The following CTNND2 variants were observed in gnomAD, a reference collection of about 807,000 sequenced individuals.
The protein encoded by CTNND2 is catenin delta 2, also known as catenin delta-2.
Under a neutral mutation model 144.4 loss-of-function variants are expected in CTNND2, and 22 were observed. The ratio of observed to expected loss-of-function variants is 0.15; its 90% CI spans 0.11 to 0.22. The LOEUF (loss-of-function observed/expected upper bound fraction) is 0.22. Ranked by LOEUF, CTNND2 falls within the 10% of genes least tolerant of loss-of-function variation. The pLI, the probability that CTNND2 is intolerant of heterozygous loss-of-function variation, is 1.00. For missense variants in CTNND2, 1,353 were observed against 1,618.8 expected, an observed-to-expected ratio of 0.84 and a Z score of 2.82; for synonymous variants, 751 against 695.6, an observed-to-expected ratio of 1.08 and a Z score of -1.25.
intron 3 of CTNND2, among the ~76,000 whole-genome samples, chr5:11,541,850 C>CG (rs375573525): frequency 1.5e-5 from 2 of 130,274 alleles, no homozygotes; most frequent in African/African-American, 5.7e-5. Flanking sequence ...CCCCCCCCCC[C>CG]GGCCAAAAGC....
intron 3 of CTNND2, among the ~76,000 whole-genome samples, chr5:11,419,818 A>G (rs1029666166): frequency 3.3e-5 from 5 of 152,226 alleles, no homozygotes; most frequent in Admixed American, 1.3e-4. Context: ...TCTGTTATGA[A>G]CCTGCTCAAA....
intron 3 of CTNND2, among the ~76,000 whole-genome samples, chr5:11,552,275 G>C (rs2727586): frequency 0.23 from 34,516 of 152,116 alleles, 4,860 homozygotes; most frequent in African/African-American, 0.4. Flanking sequence ...CTTAGCTTTA[G>C]CTCAAGTTTT....
chr5:11,125,117 C>T (rs1472175502), intron 12 of CTNND2, among the ~76,000 whole-genome samples: 1 of 152,198 alleles, frequency 6.6e-6, no homozygotes, highest in African/African-American at 2.4e-5. Flanking sequence ...AGATTGTCCT[C>T]TTTGTTGAGT....
intron 11 of CTNND2, among the ~76,000 whole-genome samples, chr5:11,162,589 A>G (rs1387446893): frequency 3.3e-5 from 5 of 152,124 alleles, no homozygotes; most frequent in Admixed American, 2.6e-4. Context: ...TTATAACTGC[A>G]ATGCACAATG....
chr5:11,086,562 A>C (rs889459071), intron 15 of CTNND2, among the ~76,000 whole-genome samples: 2 of 152,174 alleles, frequency 1.3e-5, no homozygotes, highest in African/African-American at 4.8e-5. Flanking sequence ...ATTTGTTGGC[A>C]TCAGGCAAAT....
intron 9 of CTNND2, among the ~76,000 whole-genome samples, chr5:11,238,930 CTTTT>C (rs979001114): frequency 1.6e-4 from 24 of 152,130 alleles, no homozygotes; most frequent in African/African-American, 5.6e-4. Context: ...AATTTAATTT[CTTTT>C]GTTTTATAAT....
chr5:10,974,011 TCA>T (rs1358987650), intron 21 of CTNND2, among the ~76,000 whole-genome samples: 1 of 152,234 alleles, frequency 6.6e-6, no homozygotes, highest in Non-Finnish European at 1.5e-5. Flanking sequence ...TTAAGAACAT[TCA>T]CAGTGTTGTG....
At chr5:11,006,385 T>A (rs1018863771) in intron 18 of CTNND2, among the ~76,000 whole-genome samples, 2 of 152,136 alleles carry the variant, frequency 1.3e-5, no homozygotes, top group African/African-American at 4.8e-5. Flanking sequence ...GCAGTGGGCA[T>A]GTGTGTTGCC....
intron 3 of CTNND2, among the ~76,000 whole-genome samples, chr5:11,429,716 T>G (rs1763104878): frequency 6.6e-6 from 1 of 152,088 alleles, no homozygotes; most frequent in African/African-American, 2.4e-5. Context: ...CACAGAAGAT[T>G]AGACTTTGGC....
intron 12 of CTNND2, among the ~76,000 whole-genome samples, chr5:11,122,423 C>T (rs1467157904): frequency 6.6e-6 from 1 of 152,040 alleles, no homozygotes; most frequent in Non-Finnish European, 1.5e-5. Flanking sequence ...GCTTTCACAG[C>T]CTGGCTCAAG....
intron 2 of CTNND2, among the ~76,000 whole-genome samples, chr5:11,571,314 G>GC (rs1371630072): frequency 6.6e-6 from 1 of 152,130 alleles, no homozygotes; most frequent in African/African-American, 2.4e-5. Context: ...AGGCTTGTTA[G>GC]CTGTGCCTTC....
chr5:11,158,041 T>C (rs1758393542), intron 12 of CTNND2, among the ~76,000 whole-genome samples: 1 of 152,212 alleles, frequency 6.6e-6, no homozygotes, highest in Non-Finnish European at 1.5e-5. Flanking sequence ...GTAGCCTATA[T>C]CCTTTCAAAC....
intron 9 of CTNND2, among the ~76,000 whole-genome samples, chr5:11,296,694 G>A (rs543531238): frequency 3.9e-4 from 59 of 152,308 alleles, no homozygotes; most frequent in African/African-American, 1.4e-3. Flanking sequence ...GGACAAGGAT[G>A]AGGCTGGAAA....
intron 12 of CTNND2, among the ~76,000 whole-genome samples, chr5:11,141,962 G>A (rs967900384): frequency 6.6e-6 from 1 of 152,126 alleles, no homozygotes. Context: ...GCAAGAGTGA[G>A]TTTGTTATAA....
chr5:11,558,379 TGTGA>T (rs1397715900), intron 3 of CTNND2, among the ~76,000 whole-genome samples: 2 of 40,970 alleles, frequency 4.9e-5, no homozygotes, highest in African/African-American at 1.2e-4. Context: ...TGTGTGTGTG[TGTGA>T]CACACAAGGT....
At position 11,829,725 on chromosome 5, in the gene CTNND2, C is replaced by T. The variant is rs376969969; in HGVS notation, c.37+74092G>A. Among the ~76,000 whole-genome samples, 18 of 152,300 alleles carry T rather than the reference C, an allele frequency of 1.2e-4. No homozygotes were observed. In the East Asian group the frequency reaches 3.1e-3, roughly 26 times the overall value. On this transcript the variant is annotated intron_variant, in intron 1 of 21. Transcript: ENST00000304623. Reference sequence around the variant, plus strand: ...AGAAGGGAAATGTGGGGTCAGAGGCCCCATACAGAGTCCCTACTGAGGCAC... The same window carrying T: ...AGAAGGGAAATGTGGGGTCAGAGGCTCCATACAGAGTCCCTACTGAGGCAC...
At chr5:10,983,224 A>T (rs1292862241) in intron 20 of CTNND2, among the ~76,000 whole-genome samples, 1 of 152,230 alleles carries the variant, frequency 6.6e-6, no homozygotes, top group African/African-American at 2.4e-5. Flanking sequence ...TTTGATTGTT[A>T]TACACTGTAT....
chr5:11,661,555 G>A (rs991518275), intron 2 of CTNND2, among the ~76,000 whole-genome samples: 2 of 151,794 alleles, frequency 1.3e-5, no homozygotes, highest in Non-Finnish European at 2.9e-5. Context: ...TTGTGCCTTT[G>A]TCTAGCACTC....
chr5:11,780,768 A>G (rs1172986619), intron 1 of CTNND2, among the ~76,000 whole-genome samples: 2 of 152,106 alleles, frequency 1.3e-5, no homozygotes, highest in Non-Finnish European at 2.9e-5. Context: ...CACAAAGCTG[A>G]AGCTGAAGTT....
Sources: gnomAD v4.1 joint callset for allele counts (sites outside exome capture counted in the v4.1 genomes callset) on GRCh38, gnomAD v4.1.1 for gene constraint, MANE v1.5 for transcripts, NCBI Gene and HGNC (gene_info 2026-07-23, HGNC 2026-07-21) for gene names.